USP7: variants seen among roughly 807,000 people sequenced by gnomAD.
USP7 encodes ubiquitin specific peptidase 7, also known as ubiquitin C-terminal hydrolase 7.
In USP7, 9 loss-of-function variants were observed where a neutral mutation model predicts 162.9. The ratio of observed to expected loss-of-function variants is 0.06; its 90% CI spans 0.03 to 0.10. The LOEUF (loss-of-function observed/expected upper bound fraction) is 0.10. Among genes scored for constraint, USP7 ranks in the 10% least tolerant of loss-of-function variants. The pLI, the probability that USP7 is intolerant of heterozygous loss-of-function variation, is 1.00. For missense variants in USP7, 715 were observed against 1,373.7 expected, an observed-to-expected ratio of 0.52 and a Z score of 7.58; for synonymous variants, 562 against 475.9, an observed-to-expected ratio of 1.18 and a Z score of -2.35.
intron 27 of USP7, 90 bp downstream of exon 27, chr16:8,895,552 G>T: frequency 9.1e-7 from 1 of 1,097,498 alleles, no homozygotes; most frequent in Non-Finnish European, 1.4e-6. Flanking sequence ...CACAAATCAA[G>T]CTACTTGTAC....
chr16:8,957,522 T>A (rs1417702022), intron 1 of USP7, among the ~76,000 whole-genome samples: 1 of 151,750 alleles, frequency 6.6e-6, no homozygotes, highest in Non-Finnish European at 1.5e-5. Flanking sequence ...GGCAGGAGGA[T>A]TGCTTGAGAC....
Position 8,930,343 on chromosome 16 carries a change from T to C in USP7, c.134A>G (p.Asn45Ser). ...RITQNPVING[N>S]VALSDGHNTA... ...GTTGTGTCCATCACTCAGGGCCACA[T>C]TCCCATTGATCACAGGGTTCTGAGT... is the stretch of plus-strand genomic sequence containing the variant. Residue 45 changes from asparagine (N) to serine (S), a missense_variant, in exon 2 of 31, where the codon AAT becomes AGT. Physicochemically the swap from Asn to Ser is conservative, Grantham distance 46. Coordinates refer to ENST00000344836, the MANE Select transcript of USP7 (RefSeq NM_003470.3). The C allele has an allele frequency of 6.2e-7, 1 of 1,613,846 alleles. No homozygotes were observed. Among genetic ancestry groups the C allele is most frequent in the Non-Finnish European group, 8.5e-7 (1 of 1,179,876 alleles).
In USP7 at chr16:8,956,712, G is replaced by A. The variant is rs574193894; in HGVS notation, c.79+6495C>T. Among the ~76,000 whole-genome samples the A allele has an allele frequency of 4.3e-3, 655 of 151,830 alleles. 1 individual carries two copies. Among genetic ancestry groups the A allele is most frequent in the Non-Finnish European group, 6.8e-3 (460 of 67,966 alleles). On this transcript the variant is annotated intron_variant, in intron 1 of 30. Coordinates refer to ENST00000344836, the MANE Select transcript of USP7 (RefSeq NM_003470.3). ...CAGGGGTCAGAGGTTGCAGTGAGCC[G>A]AGATCGTCCCACTGCACTCCAGCCT...
At position 8,904,450 on chromosome 16, in the gene USP7, G is replaced by C. The variant is rs777293299; in HGVS notation, c.1689C>G (p.Leu563=). 1.2e-6 allele frequency: 2 copies of C among 1,614,074 alleles called. No individual in the cohort carries two copies. Among genetic ancestry groups the C allele is most frequent in the African/African-American group, 1.3e-5 (1 of 75,042 alleles). ...GGGGGCTGACCTGCACTTGCATATA[G>C]AGATGGGCTTCCTGCCGCTCCTTCC... ...QKRKERQEAH[L]YMQVQIVAED... The change falls in exon 15 of 31, where the codon CTC becomes CTG. Residue 563 remains leucine (L), a synonymous_variant. Transcript: ENST00000344836.
At chr16:8,954,933 C>A (rs1181951292) in intron 1 of USP7, among the ~76,000 whole-genome samples, 1 of 152,124 alleles carries the variant, frequency 6.6e-6, no homozygotes, top group Non-Finnish European at 1.5e-5. Flanking sequence ...GCACTCCACC[C>A]TGACAACAGA....
intron 1 of USP7, among the ~76,000 whole-genome samples, chr16:8,951,761 C>A (rs1232703625): frequency 2.0e-5 from 3 of 152,210 alleles, no homozygotes; most frequent in East Asian, 1.9e-4. Flanking sequence ...ACATACAGCC[C>A]AGCATGGTTT....
chr16:8,899,553 T>C (rs757793107), intron 22 of USP7, 51 bp downstream of exon 22: 3 of 1,594,424 alleles, frequency 1.9e-6, no homozygotes, highest in Middle Eastern at 1.7e-4. Flanking sequence ...AAGAAAGAAA[T>C]TTGTCTTTCT....
At chr16:8,956,323 C>T (rs1188859145) in intron 1 of USP7, 1 of 152,238 alleles carries the variant, frequency 6.6e-6, no homozygotes. Flanking sequence ...GAATGGGCCA[C>T]AGCGCTCGCT....
chr16:8,956,838 GC>G (rs888035668), intron 1 of USP7, among the ~76,000 whole-genome samples: 6 of 151,150 alleles, frequency 4.0e-5, no homozygotes, highest in Admixed American at 3.3e-4. Context: ...TAAGAGCCCA[GC>G]CCCCCCGCAG....
chr16:8,918,821 G>T (rs1321259205), intron 6 of USP7, among the ~76,000 whole-genome samples: 1 of 152,116 alleles, frequency 6.6e-6, no homozygotes, highest in Non-Finnish European at 1.5e-5. Flanking sequence ...TAAAGAAAAA[G>T]GTTGGCGGTG....
intron 5 of USP7, among the ~76,000 whole-genome samples, chr16:8,919,913 G>A (rs975410142): frequency 4.6e-5 from 7 of 152,054 alleles, no homozygotes; most frequent in African/African-American, 1.7e-4. Context: ...TACACCTAAC[G>A]GCCTTGTCAC....
chr16:8,905,036 C>T (rs1438312431), intron 14 of USP7, 151 bp downstream of exon 14: 42 of 868,276 alleles, frequency 4.8e-5, no homozygotes, highest in Admixed American at 7.4e-5. Flanking sequence ...CATCGAAACG[C>T]GCAAGCCCAA....
chr16:8,948,783 G>A (rs1423456464), intron 1 of USP7, among the ~76,000 whole-genome samples: 10 of 152,214 alleles, frequency 6.6e-5, no homozygotes, highest in East Asian at 1.9e-4. Flanking sequence ...AAAACACAGC[G>A]AAACCCCGTC....
At chr16:8,901,291 A>C in intron 18 of USP7, 57 bp from the exon 19 acceptor site, 2 of 1,182,286 alleles carry the variant, frequency 1.7e-6, no homozygotes, top group Non-Finnish European at 2.4e-6. Flanking sequence ...CAATGCTTAA[A>C]AAACAAAAAA....
chr16:8,951,859 C>T (rs867002200), intron 1 of USP7, among the ~76,000 whole-genome samples: 2 of 152,192 alleles, frequency 1.3e-5, no homozygotes, highest in Non-Finnish European at 2.9e-5. Flanking sequence ...TACCAACGTG[C>T]GTTATTTTGC....
intron 1 of USP7, among the ~76,000 whole-genome samples, chr16:8,957,743 C>T (rs1249293671): frequency 1.3e-5 from 2 of 150,566 alleles, no homozygotes; most frequent in Non-Finnish European, 2.9e-5. Context: ...AGCAACAGAG[C>T]AAGACCCTGT....
intron 26 of USP7, among the ~76,000 whole-genome samples, chr16:8,895,981 T>C (rs2141160711): frequency 6.6e-6 from 1 of 151,866 alleles, no homozygotes; most frequent in East Asian, 1.9e-4. Flanking sequence ...GGACTACAGG[T>C]GCGTGCCACC....
chr16:8,929,640 A>C, intron 2 of USP7: 1 of 454,330 alleles, frequency 2.2e-6, no homozygotes, highest in South Asian at 1.6e-5. Flanking sequence ...TGCATACTGC[A>C]ATTACTGGCT....
intron 1 of USP7, among the ~76,000 whole-genome samples, chr16:8,952,193 T>A (rs1378789446): frequency 6.6e-6 from 1 of 152,108 alleles, no homozygotes; most frequent in Non-Finnish European, 1.5e-5. Flanking sequence ...GAGGCTATAG[T>A]TAACGGTGAT....
Sources: gnomAD v4.1 joint callset for allele counts (sites outside exome capture counted in the v4.1 genomes callset) on GRCh38, gnomAD v4.1.1 for gene constraint, MANE v1.5 for transcripts, NCBI Gene and HGNC (gene_info 2026-07-23, HGNC 2026-07-21) for gene names.